The following ATRN variants were observed in gnomAD, a reference collection of about 807,000 sequenced individuals.
ATRN encodes the protein attractin, also known as attractin-2.
A neutral mutation model predicts 178.7 loss-of-function variants in ATRN; 54 were observed. The observed-to-expected ratio is 0.30, with a 90% CI of 0.24 to 0.38. The LOEUF is 0.38. Among genes scored for constraint, ATRN ranks in the 10% least tolerant of loss-of-function variants. The pLI, the probability that ATRN is intolerant of heterozygous loss-of-function variation, is 1.00. For missense variants in ATRN, 1,443 were observed against 1,815.1 expected, an observed-to-expected ratio of 0.79 and a Z score of 3.73; for synonymous variants, 636 against 663.0, an observed-to-expected ratio of 0.96 and a Z score of 0.63.
At chr20:3,541,298 C>T (rs1329862714) in intron 3 of ATRN, among the ~76,000 whole-genome samples, 4 of 152,000 alleles carry the variant, frequency 2.6e-5, no homozygotes, top group South Asian at 2.1e-4. Context: ...AGGATGGTCT[C>T]GATCTCCTGA....
chr20:3,564,835 G>T (rs984589839), intron 10 of ATRN, among the ~76,000 whole-genome samples: 2 of 152,176 alleles, frequency 1.3e-5, no homozygotes, highest in Non-Finnish European at 2.9e-5. Context: ...GGAGGCCCAG[G>T]TGGGCAGATC....
chr20:3,630,964 T>TTTTTTTTTTTTTTTTTTTTTTTTTTG (rs1307722255), intron 25 of ATRN, among the ~76,000 whole-genome samples: 2 of 73,430 alleles, frequency 2.7e-5, no homozygotes, highest in Non-Finnish European at 2.5e-5. Context: ...TTTTTTTTTT[T>TTTTTTTTTTTTTTTTTTTTTTTTTTG]GGGATAGGGT....
intron 24 of ATRN, among the ~76,000 whole-genome samples, chr20:3,613,143 C>G (rs559256110): frequency 6.6e-6 from 1 of 152,184 alleles, no homozygotes; most frequent in Admixed American, 6.5e-5. Flanking sequence ...AAATTAAGAT[C>G]CACTTATGAA....
intron 1 of ATRN, among the ~76,000 whole-genome samples, chr20:3,501,696 CAG>C (rs1468731886): frequency 6.6e-6 from 1 of 152,166 alleles, no homozygotes; most frequent in African/African-American, 2.4e-5. Flanking sequence ...AAGGTAAACT[CAG>C]GGGCGAGGGC....
At chr20:3,545,054 G>T (rs238688) in intron 3 of ATRN, among the ~76,000 whole-genome samples, 3 of 151,766 alleles carry the variant, frequency 2.0e-5, no homozygotes, top group Admixed American at 2.0e-4. Flanking sequence ...TAGCTTCTTC[G>T]TATTCTTATA....
At chr20:3,586,549 A>G (rs1307882516) in intron 18 of ATRN, among the ~76,000 whole-genome samples, 1 of 152,114 alleles carries the variant, frequency 6.6e-6, no homozygotes, top group African/African-American at 2.4e-5. Flanking sequence ...GATGCCATTT[A>G]TATGAAATGT....
At chr20:3,560,967 TA>T (rs2085944279) in intron 8 of ATRN, 62 bp downstream of exon 8, 29 of 1,563,978 alleles carry the variant, frequency 1.9e-5, no homozygotes, top group Non-Finnish European at 2.1e-5. Context: ...CTAAGCTTAT[TA>T]TTTTGACTGT....
intron 19 of ATRN, among the ~76,000 whole-genome samples, chr20:3,592,112 C>T (rs2086454358): frequency 6.6e-6 from 1 of 152,122 alleles, no homozygotes; most frequent in Non-Finnish European, 1.5e-5. Context: ...TAAATAGTCC[C>T]GTGTTGGCTG....
chr20:3,633,542 GTAGC>G (rs983293117), intron 25 of ATRN, among the ~76,000 whole-genome samples: 1 of 152,186 alleles, frequency 6.6e-6, no homozygotes, highest in African/African-American at 2.4e-5. Flanking sequence ...AAAATACCCT[GTAGC>G]TAGCCCCTTT....
Position 3,594,555 on chromosome 20 carries a change from G to A in ATRN, c.3399G>A (p.Lys1133=). 1 of 1,612,376 alleles carries A rather than the reference G, an allele frequency of 6.2e-7. No individual in the cohort carries two copies. The highest frequency in any genetic ancestry group is 8.5e-7 in the Non-Finnish European group (1 of 1,178,806). ...GKCFCTTKGV[K]GDECQLCEVE... ...GCTTCTGCACCACCAAGGGCGTCAA[G>A]GGGGACGAGTGCCAGCTGTGAGTAC... is the stretch of plus-strand genomic sequence containing the variant. The change falls in exon 20 of 29, where the codon AAG becomes AAA. Residue 1133 remains lysine, a synonymous_variant. Coordinates refer to ENST00000262919, the MANE Select transcript of ATRN (RefSeq NM_139321.3).
At chr20:3,564,413 G>A (rs112757035) in intron 10 of ATRN, among the ~76,000 whole-genome samples, 3,025 of 152,248 alleles carry the variant, frequency 0.02, 44 homozygotes, top group Non-Finnish European at 0.026. Flanking sequence ...CCAGGCAGAG[G>A]AAACCCAGTT....
chr20:3,554,993 T>C (rs1168644336), intron 6 of ATRN, among the ~76,000 whole-genome samples: 1 of 10,570 alleles, frequency 9.5e-5, no homozygotes, highest in East Asian at 0.033. Flanking sequence ...CTGACCTCTT[T>C]TTTTTTTTTT....
chr20:3,561,495 G>T (rs1343010801), intron 8 of ATRN, among the ~76,000 whole-genome samples: 1 of 152,030 alleles, frequency 6.6e-6, no homozygotes, highest in Non-Finnish European at 1.5e-5. Flanking sequence ...AAATAAAAAT[G>T]GTTCAAAACA....
At position 3,471,061 on chromosome 20, in the gene ATRN, C is replaced by T. The variant is rs752712095; in HGVS notation, c.-47C>T. The T allele has an allele frequency of 3.7e-5, 54 of 1,464,642 alleles. No homozygotes were observed. In the Middle Eastern group the frequency reaches 1.2e-3, roughly 32 times the overall value. 90.7% of individuals were successfully genotyped at this position (1,464,642 alleles called of 1,614,324 possible). On this transcript the variant is annotated 5_prime_UTR_variant, in exon 1 of 29. Transcript: ENST00000262919. The stretch of plus-strand genomic sequence containing the variant: ...GCCAGGCGAAGCGGAGCCGGCCGTG[C>T]GGTGTGTGTGTATGTGTTCGCGGGG...
intron 1 of ATRN, among the ~76,000 whole-genome samples, chr20:3,479,518 G>C (rs776341805): frequency 6.6e-6 from 1 of 152,138 alleles, no homozygotes; most frequent in Non-Finnish European, 1.5e-5. Flanking sequence ...ACCATCTGGG[G>C]GAGAAAGACA....
rs1245694205 is a variant in ATRN at position 3,471,390 on chromosome 20, G to T, written c.283G>T (p.Ala95Ser). 1 of 1,487,032 alleles carries T rather than the reference G, an allele frequency of 6.7e-7. No homozygotes were observed. The allele number at this position is 1,487,032 out of a possible 1,614,324, so 92.1% of individuals were successfully genotyped here. Residue 95 changes from alanine to serine, a missense_variant, in exon 1 of 29, where the codon GCA becomes TCA. Transcript: ENST00000262919. ...GGCGGCGGCGGTGTCGGGCTCAGCCGCAGCCGAGGCCAAGGAATGTGACCG... is the reference window on the plus strand; with the variant it reads ...GGCGGCGGCGGTGTCGGGCTCAGCCTCAGCCGAGGCCAAGGAATGTGACCG... The part of the protein sequence containing the change: ...AAAAAVSGSA[A>S]AEAKECDRPC...
At chr20:3,599,297 A>G (rs1036638168) in intron 22 of ATRN, among the ~76,000 whole-genome samples, 10 of 152,214 alleles carry the variant, frequency 6.6e-5, no homozygotes, top group African/African-American at 2.4e-4. Flanking sequence ...TGAAGTGCTC[A>G]AAATCTTTCA....
Position 3,503,339 on chromosome 20 carries a change from A to G in ATRN, c.410+31822A>G, listed in dbSNP as rs966126825. 1.2e-4 allele frequency among the ~76,000 whole-genome samples: 18 copies of G among 152,342 alleles called. No homozygotes were observed. In the Middle Eastern group the frequency reaches 0.01, roughly 86 times the overall value. On this transcript the variant is annotated intron_variant, in intron 1 of 28. Transcript: ENST00000262919. ...ATAATAGCAAATCACTTGTCATACC[A>G]TCAACAAAGGAAACCACAAATTGAA... is the stretch of plus-strand genomic sequence containing the variant.
At chr20:3,478,405 T>C (rs560827110) in intron 1 of ATRN, among the ~76,000 whole-genome samples, 1 of 152,292 alleles carries the variant, frequency 6.6e-6, no homozygotes, top group Non-Finnish European at 1.5e-5. Context: ...TTCATGTTCT[T>C]TGCAGGGACA....
Sources: allele counts gnomAD v4.1 joint callset (sites outside exome capture counted in the v4.1 genomes callset), GRCh38; gene constraint gnomAD v4.1.1; transcripts MANE v1.5; gene names NCBI Gene and HGNC (gene_info 2026-07-23, HGNC 2026-07-21).